The following TRIM69 variants were observed in gnomAD, a reference collection of about 807,000 sequenced individuals.
The protein encoded by TRIM69 is tripartite motif containing 69, also known as E3 ubiquitin-protein ligase TRIM69.
A neutral mutation model predicts 37.7 loss-of-function variants in TRIM69; 29 were observed. That is an observed-to-expected ratio of 0.77 (90% CI 0.57 to 1.05). TRIM69 has a LOEUF of 1.05. Ranked by LOEUF, TRIM69 falls within the 50% of genes least tolerant of loss-of-function variation. TRIM69 has a pLI of 0.00. For synonymous variants in TRIM69, 209 were observed against 212.4 expected, an observed-to-expected ratio of 0.98 and a Z score of 0.14; for missense variants, 596 against 579.9, an observed-to-expected ratio of 1.03 and a Z score of -0.28.
chr15:44,756,683 T>C (rs1419007516), intron 3 of TRIM69: 12 of 409,150 alleles, frequency 2.9e-5, no homozygotes, highest in Non-Finnish European at 5.2e-5. Context: ...TCCCCTAATA[T>C]GCTGATCTTT....
At chr15:44,765,778 A>C (rs1283905103) in intron 6 of TRIM69, among the ~76,000 whole-genome samples, 3 of 151,156 alleles carry the variant, frequency 2.0e-5, no homozygotes, top group African/African-American at 7.4e-5. Context: ...AAAACAAACA[A>C]ACAAACAAAA....
chr15:44,738,540 G>C (rs2087213645), intron 1 of TRIM69, among the ~76,000 whole-genome samples: 1 of 152,212 alleles, frequency 6.6e-6, no homozygotes, highest in Non-Finnish European at 1.5e-5. Context: ...AGAAATTTTA[G>C]ACTCTCATTT....
At position 44,767,702 on chromosome 15, in the gene TRIM69, C is replaced by G. The variant is rs907223951; in HGVS notation, c.1433C>G (p.Pro478Arg). Residue 478 changes from proline to arginine, a missense_variant, in exon 7 of 7, where the codon CCC (proline) becomes CGC (arginine). Coordinates refer to ENST00000329464, the MANE Select transcript of TRIM69 (RefSeq NM_182985.5). ...AACACTTTCATGGAGAAACTTTATC[C>G]CTACTTCTGCCCCTGCCTTAATGAT... ...FSNTFMEKLY[P>R]YFCPCLNDGG... 1.9e-5 allele frequency: 31 copies of G among 1,613,958 alleles called. No individual in the cohort carries two copies. The highest frequency in any genetic ancestry group is 2.6e-5 in the Non-Finnish European group (31 of 1,180,038).
intron 6 of TRIM69, among the ~76,000 whole-genome samples, chr15:44,760,267 T>A (rs552332710): frequency 6.4e-4 from 98 of 152,330 alleles, no homozygotes; most frequent in African/African-American, 2.3e-3. Context: ...TTGTGCTTGA[T>A]GTTCATAGCG....
Position 44,764,692 on chromosome 15 carries a change from G to A in TRIM69, c.962-2539G>A, listed in dbSNP as rs1267280160. On this transcript the variant is annotated intron_variant, in intron 6 of 6. Coordinates refer to ENST00000329464, the MANE Select transcript of TRIM69 (RefSeq NM_182985.5). ...GCAGTGGGTCAGATTTGACCTGTTG[G>A]TTGTAGTTTGCCTACTCTAGCTTAG... Among the ~76,000 whole-genome samples, 5 of 152,330 alleles carry A rather than the reference G, an allele frequency of 3.3e-5. No homozygotes were observed. In the South Asian group the frequency reaches 6.2e-4, roughly 19 times the overall value.
intron 4 of TRIM69, among the ~76,000 whole-genome samples, chr15:44,759,256 C>T (rs1288467078): frequency 6.6e-6 from 1 of 152,168 alleles, no homozygotes; most frequent in Non-Finnish European, 1.5e-5. Context: ...AGCTTCACCT[C>T]TAAAGAAGCG....
chr15:44,753,462 A>C (rs1414580486), intron 1 of TRIM69: 1 of 152,146 alleles, frequency 6.6e-6, no homozygotes, highest in Non-Finnish European at 1.5e-5. Context: ...TCGGCAGTTC[A>C]GATATGTCAT....
chr15:44,759,131 G>T (rs954847863), intron 4 of TRIM69, among the ~76,000 whole-genome samples: 3 of 152,158 alleles, frequency 2.0e-5, no homozygotes, highest in Non-Finnish European at 4.4e-5. Flanking sequence ...TCCATAAAGA[G>T]CTTGATGCTT....
chr15:44,751,908 A>T (rs1010518446), intron 1 of TRIM69, among the ~76,000 whole-genome samples: 6 of 143,728 alleles, frequency 4.2e-5, no homozygotes, highest in African/African-American at 1.0e-4. Flanking sequence ...ATTATGGCCA[A>T]TTTTTTTTTT....
chr15:44,736,904 G>C (rs2087174360), intron 1 of TRIM69, among the ~76,000 whole-genome samples, 194 bp downstream of exon 1: 3 of 152,110 alleles, frequency 2.0e-5, no homozygotes, highest in Admixed American at 2.0e-4. Flanking sequence ...AGAGAAGCTG[G>C]TAGGAAAGTA....
intron 1 of TRIM69, among the ~76,000 whole-genome samples, chr15:44,738,315 C>T (rs2087208843): frequency 6.6e-6 from 1 of 151,590 alleles, no homozygotes; most frequent in Admixed American, 6.6e-5. Flanking sequence ...AGGTGATCCT[C>T]CTGCCTCAGC....
At chr15:44,766,522 C>T (rs2087890664) in intron 6 of TRIM69, among the ~76,000 whole-genome samples, 1 of 152,134 alleles carries the variant, frequency 6.6e-6, no homozygotes, top group African/African-American at 2.4e-5. Context: ...TTCAAAACAT[C>T]CTAAATACAT....
In TRIM69 at chr15:44,758,777, C is replaced by T. The variant is rs767362066; in HGVS notation, c.736C>T (p.Gln246Ter). The change falls in exon 4 of 7, where the codon CAA (glutamine) becomes TAA (stop). Residue 246 changes from glutamine to a stop codon, truncating the protein, a stop_gained. Transcript: ENST00000329464. LOFTEE classifies it high-confidence loss of function. ...MELNLSQLQE[Q>*]CLLAKDMLVS... ...GTTGAATCTGAGCCAGCTTCAGGAG[C>T]AATGTCTCTTAGCCAAGGATATGTT... 6.2e-7 allele frequency: 1 copy of T among 1,614,106 alleles called. No individual in the cohort carries two copies. The highest frequency in any genetic ancestry group is 8.5e-7 in the Non-Finnish European group (1 of 1,180,004).
intron 1 of TRIM69, among the ~76,000 whole-genome samples, chr15:44,749,231 A>G (rs1178717404): frequency 6.6e-6 from 1 of 151,940 alleles, no homozygotes; most frequent in African/African-American, 2.4e-5. Context: ...TAAAAGTCAT[A>G]CAACATAAAA....
chr15:44,767,053 C>CAAAAAAAAAAAAAAAAAAAAAAAAAAAA (rs55736812), intron 6 of TRIM69, among the ~76,000 whole-genome samples, 178 bp from the exon 7 acceptor site: 1 of 24,316 alleles, frequency 4.1e-5, no homozygotes, highest in African/African-American at 1.5e-4. Context: ...TTGTCTGCCT[C>CAAAAAAAAAAAAAAAAAAAAAAAAAAAA]AAAAAAAAAA....
At position 44,750,715 on chromosome 15, in the gene TRIM69, C is replaced by CTTTTTTTTT. The variant is rs869059418; in HGVS notation, c.7-4166_7-4158dup. Among the ~76,000 whole-genome samples the CTTTTTTTTT allele has an allele frequency of 4.4e-4, 45 of 102,842 alleles. 15 individuals are homozygous for CTTTTTTTTT. The highest frequency in any genetic ancestry group is 1.6e-3 in the African/African-American group (42 of 25,906). The allele number at this position is 102,842 out of a possible 152,430, so 67.5% of individuals were successfully genotyped here. ...TCGCATTTTTATTTCATTACTTTTT[C>CTTTTTTTTT]TTTTTTTTTTTTTTTTTTTTTTTTT... On this transcript the variant is annotated intron_variant, in intron 1 of 6. Coordinates refer to ENST00000329464, the MANE Select transcript of TRIM69 (RefSeq NM_182985.5).
chr15:44,737,529 TA>T (rs1278525660), intron 1 of TRIM69, among the ~76,000 whole-genome samples: 1 of 152,174 alleles, frequency 6.6e-6, no homozygotes, highest in Non-Finnish European at 1.5e-5. Flanking sequence ...TCCATAATAG[TA>T]AAAAAATTGT....
At chr15:44,760,380 A>G (rs563331614) in intron 6 of TRIM69, among the ~76,000 whole-genome samples, 1 of 152,340 alleles carries the variant, frequency 6.6e-6, no homozygotes, top group East Asian at 1.9e-4. Flanking sequence ...GTGTTCCTGT[A>G]GATACCAAAG....
intron 3 of TRIM69, 48 bp downstream of exon 3, chr15:44,756,511 T>A: frequency 2.3e-6 from 3 of 1,278,734 alleles, no homozygotes; most frequent in African/African-American, 1.5e-5. Flanking sequence ...GAACACACCC[T>A]CCATGTAACT....
Sources: gnomAD v4.1 joint callset for allele counts (sites outside exome capture counted in the v4.1 genomes callset) on GRCh38, gnomAD v4.1.1 for gene constraint, MANE v1.5 for transcripts, NCBI Gene and HGNC (gene_info 2026-07-23, HGNC 2026-07-21) for gene names.